SLC12A9: variants seen among roughly 807,000 people sequenced by gnomAD.
SLC12A9 encodes the protein CCC-interacting protein 1.
A neutral mutation model predicts 66.0 loss-of-function variants in SLC12A9; 55 were observed. The observed-to-expected ratio is 0.83, with a 90% CI of 0.67 to 1.04. The LOEUF is 1.04. Ranked by LOEUF, SLC12A9 falls within the 50% of genes least tolerant of loss-of-function variation. The pLI is 0.00. For synonymous variants in SLC12A9, 577 were observed against 569.0 expected (o/e 1.01, Z -0.20); for missense variants, 1,061 against 1,241.9 (o/e 0.85, Z 2.19).
intron 1 of SLC12A9, among the ~76,000 whole-genome samples, chr7:100,853,070 A>G (rs1350985696): frequency 1.4e-5 from 2 of 148,012 alleles, no homozygotes; most frequent in African/African-American, 5.0e-5. Context: ...TGTGGATGGG[A>G]GGAATCGGGG....
Position 100,860,183 on chromosome 7 carries a change from G to A in SLC12A9, c.1169G>A (p.Arg390Gln), listed in dbSNP as rs761904558. 3 of 1,614,182 alleles carry A rather than the reference G, an allele frequency of 1.9e-6. No homozygotes were observed. The highest frequency in any genetic ancestry group is 2.5e-6 in the Non-Finnish European group (3 of 1,180,034). The change falls in exon 9 of 14, where the codon CGA becomes CAA. Residue 390 changes from arginine to glutamine, a missense_variant. By Grantham distance (43) the Arg-to-Gln change is conservative (BLOSUM62 1). Coordinates refer to ENST00000354161, the MANE Select transcript of SLC12A9 (RefSeq NM_020246.4). The stretch of plus-strand genomic sequence containing the variant: ...TTGGCACCGGCCAAGGTTGTGTCCC[G>A]AGGGGGAAACCCCTGGGCAGCTGTA... ...VILAPAKVVS[R>Q]GGNPWAAVLY...
At chr7:100,843,230 G>T (rs1485648597) in intron 1 of SLC12A9, among the ~76,000 whole-genome samples, 2 of 152,218 alleles carry the variant, frequency 1.3e-5, no homozygotes, top group African/African-American at 4.8e-5. Context: ...ACATTGTAAA[G>T]CGAGAGAAGC....
At chr7:100,857,583 G>C (rs771981312) in intron 5 of SLC12A9, 1 of 191,834 alleles carries the variant, frequency 5.2e-6, no homozygotes, top group Non-Finnish European at 1.1e-5. Context: ...TCAGCCAGGA[G>C]CTGGGAGCAG....
upstream of SLC12A9, among the ~76,000 whole-genome samples, chr7:100,852,066 TGAA>T (rs769340099): frequency 1.7e-4 from 26 of 151,696 alleles, no homozygotes; most frequent in African/African-American, 9.7e-5. Flanking sequence ...CTGTAAAGAG[TGAA>T]GAAGGAGTCT....
upstream of SLC12A9, among the ~76,000 whole-genome samples, chr7:100,851,873 C>G (rs1256493496): frequency 6.6e-6 from 1 of 151,130 alleles, no homozygotes; most frequent in African/African-American, 2.4e-5. Context: ...GCGGTACCTA[C>G]CTCACAGAGT....
chr7:100,848,175 G>C (rs997457823), upstream of SLC12A9, among the ~76,000 whole-genome samples: 1 of 151,644 alleles, frequency 6.6e-6, no homozygotes, highest in East Asian at 1.9e-4. Flanking sequence ...CTGGGCTAGA[G>C]GTACACCCTT....
chr7:100,847,397 T>G (rs1395188451), intron 1 of SLC12A9, among the ~76,000 whole-genome samples: 1 of 152,166 alleles, frequency 6.6e-6, no homozygotes, highest in Non-Finnish European at 1.5e-5. Context: ...GCCTTTGGCT[T>G]TTGCTTTGAG....
chr7:100,848,362 G>A (rs1310927339), upstream of SLC12A9, among the ~76,000 whole-genome samples: 4 of 151,920 alleles, frequency 2.6e-5, no homozygotes, highest in African/African-American at 9.7e-5. Context: ...AAATTAGCCA[G>A]GCATGGGTGC....
chr7:100,829,207 C>T (rs983052831), intron 1 of SLC12A9, among the ~76,000 whole-genome samples: 8 of 152,102 alleles, frequency 5.3e-5, no homozygotes, highest in African/African-American at 9.7e-5. Flanking sequence ...AGGCTGGTCT[C>T]GAACTCCTGA....
Position 100,861,904 on chromosome 7 carries a change from A to G in SLC12A9, c.1704A>G (p.Gly568=). 6.3e-7 allele frequency: 1 copy of G among 1,598,532 alleles called. No individual in the cohort carries two copies. Among genetic ancestry groups the G allele is most frequent in the Non-Finnish European group, 8.5e-7 (1 of 1,171,218 alleles). ...GLYVLGHVTL[G]DLDSLPSDPV... ...ATGTGCTGGGCCACGTCACCCTGGGAGACCTCGGTGAGCTGCCCTCCCACT... is the reference window on the plus strand; with the variant it reads ...ATGTGCTGGGCCACGTCACCCTGGGGGACCTCGGTGAGCTGCCCTCCCACT... The change falls in exon 12 of 14, where the codon GGA becomes GGG. Residue 568 remains glycine (G), a synonymous_variant. Coordinates refer to ENST00000354161, the MANE Select transcript of SLC12A9 (RefSeq NM_020246.4). This position sits in a 1 kb window ranked among gnomAD's most constrained non-coding sequence, Gnocchi z 5.3.
rs1814837742 is a variant in SLC12A9 at position 100,862,772 on chromosome 7, C to T, written c.1803C>T (p.Thr601=). Residue 601 remains threonine (T), a synonymous_variant, in exon 13 of 14, where the codon ACC becomes ACT. Coordinates refer to ENST00000354161, the MANE Select transcript of SLC12A9 (RefSeq NM_020246.4). ...RAQVKAFVDL[T]LSPSVRQGAQ... Reference sequence around the variant, plus strand: ...AGGTGAAGGCTTTTGTGGATCTAACCCTCTCACCCTCCGTGCGCCAGGGGG... The same window carrying T: ...AGGTGAAGGCTTTTGTGGATCTAACTCTCTCACCCTCCGTGCGCCAGGGGG... The T allele has an allele frequency of 4.3e-6, 7 of 1,614,182 alleles. No individual in the cohort carries two copies. Among genetic ancestry groups the T allele is most frequent in the Non-Finnish European group, 5.9e-6 (7 of 1,180,040 alleles).
Position 100,866,799 on chromosome 7 carries a change from A to C in SLC12A9, c.*194A>C. Reference sequence around the variant, plus strand: ...TTGGCAGAGGGACCCCAGCACACTAACTCTGGGTGGCTGTCCCCACCGTGC... The same window carrying C: ...TTGGCAGAGGGACCCCAGCACACTACCTCTGGGTGGCTGTCCCCACCGTGC... On this transcript the variant is annotated 3_prime_UTR_variant, in exon 14 of 14. Transcript: ENST00000354161. The surrounding 1 kb of genome is among the most constrained non-coding windows in gnomAD (Gnocchi z 7.3). The C allele has an allele frequency of 1.9e-6, 1 of 539,798 alleles. No homozygotes were observed. Among genetic ancestry groups the C allele is most frequent in the South Asian group, 3.2e-5 (1 of 31,032 alleles). 33.4% of individuals were successfully genotyped at this position (539,798 alleles called of 1,614,324 possible).
At chr7:100,853,601 C>G (rs1814205014) in intron 1 of SLC12A9, among the ~76,000 whole-genome samples, 1 of 151,404 alleles carries the variant, frequency 6.6e-6, no homozygotes, top group Admixed American at 6.6e-5. Flanking sequence ...CGCTCTGTCA[C>G]CCAGGCTGGA....
intron 1 of SLC12A9, among the ~76,000 whole-genome samples, chr7:100,838,950 C>T (rs763870267): frequency 7.2e-5 from 11 of 152,062 alleles, no homozygotes; most frequent in Non-Finnish European, 1.2e-4. Flanking sequence ...GTGCATGCAG[C>T]CCCCAGTCAC....
At chr7:100,855,056 C>T (rs1161990125) in intron 3 of SLC12A9, among the ~76,000 whole-genome samples, 1 of 152,034 alleles carries the variant, frequency 6.6e-6, no homozygotes, top group African/African-American at 2.4e-5. Context: ...TCCAGCTACT[C>T]GGGAGGCTGA....
At chr7:100,841,631 C>A (rs1212142686) in intron 1 of SLC12A9, among the ~76,000 whole-genome samples, 1 of 152,052 alleles carries the variant, frequency 6.6e-6, no homozygotes, top group Non-Finnish European at 1.5e-5. Flanking sequence ...TCTATAAAAT[C>A]TTACCTTATG....
chr7:100,854,072 G>C (rs1814234174), intron 1 of SLC12A9, 84 bp from the exon 2 acceptor site: 1 of 871,122 alleles, frequency 1.1e-6, no homozygotes, highest in South Asian at 2.1e-5. Flanking sequence ...CTTTTGGGGA[G>C]GCTTCAGGGT....
intron 1 of SLC12A9, among the ~76,000 whole-genome samples, chr7:100,829,422 C>G (rs1160556051): frequency 6.6e-6 from 1 of 152,168 alleles, no homozygotes; most frequent in Non-Finnish European, 1.5e-5. Flanking sequence ...GTGATAACCT[C>G]TTGTCCCGGC....
At chr7:100,865,238 G>A in intron 13 of SLC12A9, 2 of 1,535,338 alleles carry the variant, frequency 1.3e-6, no homozygotes, top group South Asian at 1.2e-5. Flanking sequence ...GATTACAGGT[G>A]TGAGCCACGG....
Sources: gnomAD v4.1 joint callset for allele counts (sites outside exome capture counted in the v4.1 genomes callset) on GRCh38, gnomAD v4.1.1 for gene constraint, Gnocchi (gnomAD v3.1) non-coding constraint, MANE v1.5 for transcripts, NCBI Gene and HGNC (gene_info 2026-07-23, HGNC 2026-07-21) for gene names.